CACNA2D1: variants seen among roughly 807,000 people sequenced by gnomAD.
CACNA2D1 encodes the protein voltage-dependent calcium channel subunit alpha-2/delta-1.
A neutral mutation model predicts 171.5 loss-of-function variants in CACNA2D1; 53 were observed. That is an observed-to-expected ratio of 0.31 (90% CI 0.25 to 0.39). The LOEUF is 0.39. Among genes scored for constraint, CACNA2D1 ranks in the 10% least tolerant of loss-of-function variants. The pLI is 1.00. For synonymous variants in CACNA2D1, 442 were observed against 443.1 expected (o/e 1.00, Z 0.03); for missense variants, 903 against 1,299.8 (o/e 0.69, Z 4.69).
chr7:82,021,518 G>GA (rs1479561242), intron 12 of CACNA2D1, among the ~76,000 whole-genome samples: 2 of 151,970 alleles, frequency 1.3e-5, no homozygotes, highest in African/African-American at 4.8e-5. Context: ...ATTTTGTATA[G>GA]ATTAGGAGCA....
intron 1 of CACNA2D1, among the ~76,000 whole-genome samples, chr7:82,439,734 T>C (rs1353364426): frequency 1.3e-5 from 2 of 151,470 alleles, no homozygotes; most frequent in African/African-American, 4.8e-5. Flanking sequence ...AATATATCTA[T>C]TGTTGCATAT....
chr7:82,111,428 G>GTATA (rs1201539599), intron 6 of CACNA2D1, among the ~76,000 whole-genome samples: 2,444 of 50,340 alleles, frequency 0.049, 374 homozygotes, highest in South Asian at 0.11. Flanking sequence ...ATATATGTGT[G>GTATA]TATATATATA....
chr7:82,188,395 G>T (rs1173039019), intron 3 of CACNA2D1, among the ~76,000 whole-genome samples: 3 of 152,020 alleles, frequency 2.0e-5, no homozygotes. Flanking sequence ...CATATTTAAG[G>T]CATATTTTAC....
intron 3 of CACNA2D1, among the ~76,000 whole-genome samples, chr7:82,174,610 T>C (rs1411609267): frequency 2.0e-5 from 3 of 152,000 alleles, no homozygotes; most frequent in Admixed American, 6.6e-5. Context: ...ATAAAACTCA[T>C]CAGAGTATAT....
chr7:82,097,264 T>C (rs1455180048), intron 6 of CACNA2D1, among the ~76,000 whole-genome samples: 1 of 152,172 alleles, frequency 6.6e-6, no homozygotes, highest in African/African-American at 2.4e-5. Context: ...AATCTAGGAA[T>C]ACTAAAGTTA....
At chr7:82,339,021 T>C (rs1174131128) in intron 2 of CACNA2D1, among the ~76,000 whole-genome samples, 1 of 152,130 alleles carries the variant, frequency 6.6e-6, no homozygotes, top group African/African-American at 2.4e-5. Context: ...AGCAGTCAAG[T>C]TCACTATCTA....
intron 34 of CACNA2D1, among the ~76,000 whole-genome samples, chr7:81,962,825 G>A (rs201955744): frequency 1.2e-4 from 18 of 151,998 alleles, no homozygotes; most frequent in East Asian, 7.8e-4. Context: ...CATTCATTAC[G>A]TCTCCTTATT....
At chr7:82,035,207 T>G (rs890091260) in intron 11 of CACNA2D1, among the ~76,000 whole-genome samples, 3 of 152,140 alleles carry the variant, frequency 2.0e-5, no homozygotes, top group Middle Eastern at 3.4e-3. Flanking sequence ...TTTTGAAAAA[T>G]GCATATATAT....
rs1036721401 is a variant in CACNA2D1 at position 82,371,589 on chromosome 7, TA to T, written c.96-21941del. Among the ~76,000 whole-genome samples the T allele has an allele frequency of 3.8e-3, 573 of 151,688 alleles. 5 individuals carry two copies. Among genetic ancestry groups the T allele is most frequent in the African/African-American group, 0.013 (523 of 41,476 alleles). The stretch of plus-strand genomic sequence containing the variant: ...TAATTTTATTTTATTTTATTATTAT[TA>T]TTATTTTGCAACAGAGCTTCTCTCT... On this transcript the variant is annotated intron_variant, in intron 1 of 38. Coordinates refer to ENST00000356860, the MANE Select transcript of CACNA2D1 (RefSeq NM_000722.4).
chr7:82,087,447 A>G (rs1810606599), intron 6 of CACNA2D1, among the ~76,000 whole-genome samples: 1 of 152,088 alleles, frequency 6.6e-6, no homozygotes, highest in Non-Finnish European at 1.5e-5. Context: ...GTTCTTCCTC[A>G]GAGTATTATA....
intron 3 of CACNA2D1, among the ~76,000 whole-genome samples, chr7:82,281,103 C>T (rs1810040119): frequency 1.3e-5 from 2 of 152,182 alleles, no homozygotes; most frequent in African/African-American, 2.4e-5. Context: ...TCCACATCAG[C>T]ATCAACTAAT....
rs561911128 is a variant in CACNA2D1 at position 82,205,199 on chromosome 7, C to G, written c.295-34590G>C. Among the ~76,000 whole-genome samples, 209 of 152,182 alleles carry G rather than the reference C, an allele frequency of 1.4e-3. 2 individuals are homozygous for G. The highest frequency in any genetic ancestry group is 4.8e-3 in the African/African-American group (201 of 41,514). ...CACTCCCCTTGGTCCTTAGCTTGGG[C>G]TGGAATCTGATATTTGGTGTGACAT... On this transcript the variant is annotated intron_variant, in intron 3 of 38. Transcript: ENST00000356860.
At chr7:82,145,224 A>C (rs1200498307) in intron 4 of CACNA2D1, among the ~76,000 whole-genome samples, 1 of 146,828 alleles carries the variant, frequency 6.8e-6, no homozygotes, top group Non-Finnish European at 1.5e-5. Flanking sequence ...AATTTTATAT[A>C]TATATAAAAT....
In CACNA2D1 at chr7:82,410,471, C is replaced by T. The variant is rs774978144; in HGVS notation, c.95+32894G>A. On this transcript the variant is annotated intron_variant, in intron 1 of 38. Transcript: ENST00000356860. ...TGGCTTAGCCTTAAGAAAAAACTAA[C>T]GCATGTTAACAGGCAGTAGAAAAAT... 1.9e-4 allele frequency: 189 copies of T among 979,614 alleles called. 1 individual carries two copies. The Middle Eastern group carries it at 5.8e-3, about 30-fold the overall frequency. The allele number at this position is 979,614 out of a possible 1,614,324, so 60.7% of individuals were successfully genotyped here.
intron 6 of CACNA2D1, among the ~76,000 whole-genome samples, chr7:82,088,081 T>C (rs957931837): frequency 6.6e-6 from 1 of 152,144 alleles, no homozygotes; most frequent in African/African-American, 2.4e-5. Flanking sequence ...TTTAGGAAGT[T>C]TTTTTTGTTT....
intron 3 of CACNA2D1, among the ~76,000 whole-genome samples, chr7:82,298,864 ACCAGCC>A (rs1307267841): frequency 6.6e-6 from 1 of 152,094 alleles, no homozygotes; most frequent in Non-Finnish European, 1.5e-5. Context: ...GGAGTTCAAG[ACCAGCC>A]TGGCCAATAT....
intron 1 of CACNA2D1, among the ~76,000 whole-genome samples, chr7:82,441,083 A>G (rs918934109): frequency 2.6e-5 from 4 of 152,034 alleles, no homozygotes; most frequent in African/African-American, 9.7e-5. Context: ...TATAAATTTG[A>G]AATTTTCCCC....
At chr7:82,289,772 T>C (rs1811288737) in intron 3 of CACNA2D1, among the ~76,000 whole-genome samples, 1 of 152,250 alleles carries the variant, frequency 6.6e-6, no homozygotes, top group African/African-American at 2.4e-5. Flanking sequence ...GAACTTGTCT[T>C]TCTAATGTTT....
At chr7:82,328,049 C>T (rs1816862730) in intron 3 of CACNA2D1, among the ~76,000 whole-genome samples, 1 of 152,132 alleles carries the variant, frequency 6.6e-6, no homozygotes, top group African/African-American at 2.4e-5. Flanking sequence ...TAAGTTTGTG[C>T]CCCTTGATGC....
Sources: gnomAD v4.1 joint callset for allele counts (sites outside exome capture counted in the v4.1 genomes callset) on GRCh38, gnomAD v4.1.1 for gene constraint, MANE v1.5 for transcripts, NCBI Gene and HGNC (gene_info 2026-07-23, HGNC 2026-07-21) for gene names.